The following FGF14 variants were observed in gnomAD, a reference collection of about 807,000 sequenced individuals.
FGF14 encodes fibroblast growth factor homologous factor 4.
FGF14 carries 5 observed loss-of-function variants against 25.5 expected under a neutral mutation model. The ratio of observed to expected loss-of-function variants is 0.20; its 90% CI spans 0.10 to 0.41. The LOEUF is 0.41. Among genes scored for constraint, FGF14 ranks in the 10% least tolerant of loss-of-function variants. The pLI, the probability that FGF14 is intolerant of heterozygous loss-of-function variation, is 1.00. For synonymous variants in FGF14, 138 were observed against 118.3 expected, an observed-to-expected ratio of 1.17 and a Z score of -1.08; for missense variants, 222 against 320.1, an observed-to-expected ratio of 0.69 and a Z score of 2.34.
At position 101,916,448 on chromosome 13, in the gene FGF14, C is replaced by A; in HGVS notation, c.193+5G>T. On this transcript the variant is annotated splice_donor_5th_base_variant and intron_variant, in intron 1 of 4. Transcript: ENST00000376143. ...GCGCATCTCCCGACCATGACCCCCA[C>A]AGACCTTGGCGCCGCAACCTGCGCT... The A allele has an allele frequency of 6.2e-7, 1 of 1,613,948 alleles. No homozygotes were observed. Among genetic ancestry groups the A allele is most frequent in the Non-Finnish European group, 8.5e-7 (1 of 1,179,920 alleles).
intron 1 of FGF14, among the ~76,000 whole-genome samples, chr13:101,904,416 T>C (rs993177609): frequency 2.6e-5 from 4 of 152,188 alleles, no homozygotes; most frequent in African/African-American, 7.2e-5. Context: ...AATGAGAATG[T>C]TGCAGAAAAT....
chr13:101,977,952 A>C (rs2038028040), intron 1 of FGF14, among the ~76,000 whole-genome samples: 1 of 152,132 alleles, frequency 6.6e-6, no homozygotes, highest in South Asian at 2.1e-4. Flanking sequence ...AAAAAAAAAA[A>C]AAAACTAGCA....
intron 1 of FGF14, among the ~76,000 whole-genome samples, chr13:102,151,849 G>A (rs78637774): frequency 0.049 from 7,479 of 152,164 alleles, 385 homozygotes; most frequent in East Asian, 0.21. Context: ...ACTCACATTA[G>A]TAGATAATAC....
At chr13:101,815,966 T>C (rs567199374) in intron 3 of FGF14, among the ~76,000 whole-genome samples, 1 of 151,780 alleles carries the variant, frequency 6.6e-6, no homozygotes, top group South Asian at 2.1e-4. Flanking sequence ...GGCATCATTG[T>C]GAAGGCTATT....
chr13:102,068,405 C>A lies in FGF14; in HGVS notation c.209-193109G>T, dbSNP rs1012614133. Among the ~76,000 whole-genome samples, 4 of 152,356 alleles carry A rather than the reference C, an allele frequency of 2.6e-5. No individual in the cohort carries two copies. The South Asian group carries it at 8.3e-4, about 32-fold the overall frequency. ...AGGAGCCCTTCAGCCCACCGCTGCA[C>A]TGTGGGAGCCCCTTTCTGGGCTGGC... On this transcript the variant is annotated intron_variant, in intron 1 of 4. Coordinates refer to the FGF14 transcript ENST00000376131.
At chr13:102,327,685 A>T (rs1487658340) in intron 1 of FGF14, among the ~76,000 whole-genome samples, 4 of 152,132 alleles carry the variant, frequency 2.6e-5, no homozygotes, top group South Asian at 2.1e-4. Flanking sequence ...AACAAATTTA[A>T]AAACTTAGTT....
chr13:102,249,812 A>G (rs1404801077), intron 1 of FGF14, among the ~76,000 whole-genome samples: 2 of 152,178 alleles, frequency 1.3e-5, no homozygotes, highest in Non-Finnish European at 1.5e-5. Context: ...GGTGCAATTC[A>G]AAGATACATA....
At chr13:102,103,661 A>T (rs2044765931) in intron 1 of FGF14, among the ~76,000 whole-genome samples, 1 of 152,172 alleles carries the variant, frequency 6.6e-6, no homozygotes, top group Non-Finnish European at 1.5e-5. Context: ...CCTCAATAAT[A>T]ATGTGCATTT....
intron 1 of FGF14, among the ~76,000 whole-genome samples, chr13:102,224,013 G>GA (rs1454582545): frequency 6.6e-6 from 1 of 152,128 alleles, no homozygotes; most frequent in African/African-American, 2.4e-5. Flanking sequence ...TACAGCCTCT[G>GA]AAATGGCATT....
Position 102,205,177 on chromosome 13 carries a change from A to T in FGF14, c.208+196294T>A, listed in dbSNP as rs535896610. Among the ~76,000 whole-genome samples, 7 of 152,176 alleles carry T rather than the reference A, an allele frequency of 4.6e-5. No individual in the cohort carries two copies. The South Asian group carries it at 1.5e-3, about 32-fold the overall frequency. Reference sequence around the variant, plus strand: ...CTTTGGTACATGGCATTAGGTGTGTATGTGTGTGTGTGCATGTGAATGCAC... The same window carrying T: ...CTTTGGTACATGGCATTAGGTGTGTTTGTGTGTGTGTGCATGTGAATGCAC... On this transcript the variant is annotated intron_variant, in intron 1 of 4. Coordinates refer to the FGF14 transcript ENST00000376131.
At chr13:102,275,140 G>C (rs1028728348) in intron 1 of FGF14, among the ~76,000 whole-genome samples, 1 of 151,858 alleles carries the variant, frequency 6.6e-6, no homozygotes, top group African/African-American at 2.4e-5. Context: ...AAATGACAGA[G>C]ATTAACTATT....
At chr13:102,059,011 A>T (rs1303336226) in intron 1 of FGF14, among the ~76,000 whole-genome samples, 1 of 152,138 alleles carries the variant, frequency 6.6e-6, no homozygotes, top group Non-Finnish European at 1.5e-5. Flanking sequence ...ATATAGCTCC[A>T]TCTCATCAAA....
intron 1 of FGF14, among the ~76,000 whole-genome samples, chr13:101,957,061 T>A (rs2036561107): frequency 6.6e-6 from 1 of 152,168 alleles, no homozygotes; most frequent in South Asian, 2.1e-4. Flanking sequence ...GCTTCATGAA[T>A]GCAGATGCTT....
intron 3 of FGF14, among the ~76,000 whole-genome samples, chr13:101,736,469 C>T (rs1334157759): frequency 6.6e-6 from 1 of 152,038 alleles, no homozygotes; most frequent in Non-Finnish European, 1.5e-5. Context: ...AATAAAATCT[C>T]TGGGCTTTTA....
At chr13:101,883,014 A>T (rs1170463614) in intron 1 of FGF14, among the ~76,000 whole-genome samples, 1 of 151,724 alleles carries the variant, frequency 6.6e-6, no homozygotes, top group Non-Finnish European at 1.5e-5. Context: ...CAGAGATACG[A>T]TACCTATGAA....
At chr13:102,139,417 T>G (rs931200722) in intron 1 of FGF14, among the ~76,000 whole-genome samples, 4 of 150,762 alleles carry the variant, frequency 2.7e-5, no homozygotes, top group Admixed American at 2.6e-4. Context: ...AAAAAAAAAA[T>G]AGAGAAATGG....
intron 1 of FGF14, among the ~76,000 whole-genome samples, chr13:101,998,727 G>GATGTA (rs1457520444): frequency 6.6e-6 from 1 of 152,210 alleles, no homozygotes; most frequent in African/African-American, 2.4e-5. Context: ...ATATGATCAT[G>GATGTA]ATGTAATGGG....
intron 1 of FGF14, among the ~76,000 whole-genome samples, chr13:102,012,431 T>G (rs533425721): frequency 6.6e-6 from 1 of 152,236 alleles, no homozygotes; most frequent in East Asian, 1.9e-4. Context: ...TTTGGAGAAT[T>G]TTTCTCTAGA....
At chr13:101,958,204 T>C (rs914364659) in intron 1 of FGF14, among the ~76,000 whole-genome samples, 3 of 152,146 alleles carry the variant, frequency 2.0e-5, no homozygotes, top group Non-Finnish European at 4.4e-5. Context: ...GTCTGTGAGG[T>C]TGGCAATTTA....
Sources: gnomAD v4.1 joint callset for allele counts (sites outside exome capture counted in the v4.1 genomes callset) on GRCh38, gnomAD v4.1.1 for gene constraint, MANE v1.5 for transcripts, NCBI Gene and HGNC (gene_info 2026-07-23, HGNC 2026-07-21) for gene names.